The following PCF11 variants were observed in gnomAD, a reference collection of about 807,000 sequenced individuals.
PCF11 encodes PCF11 cleavage and polyadenylation factor subunit.
A neutral mutation model predicts 166.1 loss-of-function variants in PCF11; 19 were observed. That is an observed-to-expected ratio of 0.11 (90% CI 0.08 to 0.17). The LOEUF is 0.17. PCF11 is among the 10% of genes least tolerant of loss of function. The pLI, the probability that PCF11 is intolerant of heterozygous loss-of-function variation, is 1.00. For missense variants in PCF11, 1,565 were observed against 1,855.5 expected, an observed-to-expected ratio of 0.84 and a Z score of 2.88; for synonymous variants, 663 against 644.1, an observed-to-expected ratio of 1.03 and a Z score of -0.44.
chr11:83,159,449 A>G (rs1470553957), intron 1 of PCF11, among the ~76,000 whole-genome samples: 1 of 152,182 alleles, frequency 6.6e-6, no homozygotes, highest in Non-Finnish European at 1.5e-5. Context: ...TTGTCACTCA[A>G]AGAACCTTGC....
At chr11:83,176,110 A>G (rs914844891) in intron 9 of PCF11, among the ~76,000 whole-genome samples, 2 of 152,226 alleles carry the variant, frequency 1.3e-5, no homozygotes, top group Admixed American at 1.3e-4. Context: ...TTTCATCTAT[A>G]TAAAACTACT....
At chr11:83,183,147 T>C (rs1861141080) in intron 15 of PCF11, 74 bp downstream of exon 15, 2 of 819,182 alleles carry the variant, frequency 2.4e-6, no homozygotes, top group African/African-American at 3.5e-5. Flanking sequence ...TTTTTTTGCA[T>C]CAGAGCAATA....
intron 12 of PCF11, among the ~76,000 whole-genome samples, chr11:83,181,653 A>T (rs1861092487): frequency 6.6e-6 from 1 of 151,948 alleles, no homozygotes; most frequent in Non-Finnish European, 1.5e-5. Context: ...AGTAGTTGTA[A>T]CTATAGAGTT....
chr11:83,160,329 T>TG (rs1860190344), intron 1 of PCF11, among the ~76,000 whole-genome samples: 1 of 145,488 alleles, frequency 6.9e-6, no homozygotes, highest in African/African-American at 2.6e-5. Context: ...AAGTTTTTTT[T>TG]TTTTTTTTTT....
exon 16 of PCF11, chr11:83,186,116 C>CTTTG (rs1489075003): frequency 6.6e-6 from 1 of 152,094 alleles, no homozygotes; most frequent in Admixed American, 6.6e-5. Context: ...TTGAACGTGG[C>CTTTG]TTTGTTTCCT....
chr11:83,174,009 A>G (rs189320986), intron 9 of PCF11, among the ~76,000 whole-genome samples: 6 of 152,176 alleles, frequency 3.9e-5, no homozygotes, highest in Non-Finnish European at 7.4e-5. Context: ...GACTACAGGT[A>G]TGAGCCACTG....
At chr11:83,166,119 C>T (rs938079828) in exon 5 of PCF11, 1 of 1,610,870 alleles carries the variant, frequency 6.2e-7, no homozygotes, top group Non-Finnish European at 8.5e-7. Flanking sequence ...AAAAAAACAT[C>T]TTCAGGATAA....
intron 1 of PCF11, among the ~76,000 whole-genome samples, chr11:83,159,380 T>G (rs73512644): frequency 0.01 from 1,560 of 152,304 alleles, 20 homozygotes; most frequent in African/African-American, 0.034. Context: ...TTTTAAAATC[T>G]AATTACCTCG....
At chr11:83,162,258 GTTA>G (rs1257790496) in intron 2 of PCF11, among the ~76,000 whole-genome samples, 2 of 152,192 alleles carry the variant, frequency 1.3e-5, no homozygotes, top group African/African-American at 2.4e-5. Context: ...TTTGGTGGTA[GTTA>G]TTATATTTTA....
chr11:83,174,392 T>G (rs900263025), intron 9 of PCF11, among the ~76,000 whole-genome samples: 3 of 151,708 alleles, frequency 2.0e-5, no homozygotes, highest in African/African-American at 2.4e-5. Flanking sequence ...TAAAGTTTTT[T>G]TTTTTTTTTT....
chr11:83,182,652 G>T (rs899750144), intron 14 of PCF11, among the ~76,000 whole-genome samples, 161 bp downstream of exon 14: 4 of 152,112 alleles, frequency 2.6e-5, no homozygotes, highest in African/African-American at 9.7e-5. Context: ...AATTAGAAGG[G>T]ATCTTAGCAG....
At chr11:83,176,782 C>A (rs527335056) in intron 9 of PCF11, among the ~76,000 whole-genome samples, 1 of 151,766 alleles carries the variant, frequency 6.6e-6, no homozygotes, top group Non-Finnish European at 1.5e-5. Flanking sequence ...CACATGTATA[C>A]CTATGTAACA....
At chr11:83,178,064 A>C (rs765504461) in intron 11 of PCF11, among the ~76,000 whole-genome samples, 6 of 152,044 alleles carry the variant, frequency 3.9e-5, no homozygotes, top group Non-Finnish European at 7.4e-5. Context: ...GCCACCCCCA[A>C]AAGTCTTACT....
intron 1 of PCF11, 66 bp downstream of exon 1, chr11:83,157,697 C>A: frequency 7.1e-7 from 1 of 1,417,524 alleles, no homozygotes; most frequent in Non-Finnish European, 1.0e-6. Context: ...CAGCCTCATC[C>A]CAGGTCTCGC....
chr11:83,184,695 G>A, exon 16 of PCF11: 10 of 1,610,556 alleles, frequency 6.2e-6, no homozygotes, highest in Non-Finnish European at 8.5e-6. Context: ...TCATTTGATT[G>A]TACACCATCT....
chr11:83,159,825 T>A (rs79650038), intron 1 of PCF11, among the ~76,000 whole-genome samples: 220 of 152,326 alleles, frequency 1.4e-3, no homozygotes, highest in African/African-American at 5.1e-3. Flanking sequence ...TCACACTTAA[T>A]TTGACTCCTC....
At chr11:83,169,688 A>G (rs1377047425) in exon 8 of PCF11, 4 of 1,613,824 alleles carry the variant, frequency 2.5e-6, no homozygotes, top group African/African-American at 1.3e-5. Context: ...AGATTTGACA[A>G]TCATCCTTCA....
At position 83,167,409 on chromosome 11, in the gene PCF11, A is replaced by T. The variant is rs369276569; in HGVS notation, c.2002-6A>T. On this transcript the variant is annotated splice_region_variant and splice_polypyrimidine_tract_variant and intron_variant, in intron 6 of 15. Transcript: ENST00000298281. The surrounding 1 kb of genome is among the most constrained non-coding windows in gnomAD (Gnocchi z 4.2). ...TATTTTATTTCCTTTTATCACCCCT[A>T]TACAGACGAGTGAACGTTTAGCATC... The T allele has an allele frequency of 1.9e-6, 3 of 1,590,796 alleles. No homozygotes were observed. In the African/African-American group the frequency reaches 4.1e-5, roughly 22 times the overall value.
At chr11:83,179,800 C>T (rs965861384) in intron 11 of PCF11, among the ~76,000 whole-genome samples, 1 of 151,814 alleles carries the variant, frequency 6.6e-6, no homozygotes, top group Admixed American at 6.6e-5. Context: ...ACTTGTAATC[C>T]CAGCTACTCG....
Sources: allele counts gnomAD v4.1 joint callset (sites outside exome capture counted in the v4.1 genomes callset), GRCh38; gene constraint gnomAD v4.1.1; non-coding constraint Gnocchi (gnomAD v3.1); transcripts MANE v1.5; gene names NCBI Gene and HGNC (gene_info 2026-07-23, HGNC 2026-07-21).